Variants in ZNF17 observed in about 807,000 individuals in gnomAD.
ZNF17 encodes zinc finger protein 17.
Under a neutral mutation model 7.7 loss-of-function variants are expected in ZNF17, and 4 were observed. That is an observed-to-expected ratio of 0.52 (90% CI 0.26 to 1.20). The LOEUF is 1.20. ZNF17 is among the 50% of genes most tolerant of loss of function. ZNF17 has a pLI of 0.14. For missense variants in ZNF17, 738 were observed against 799.5 expected (o/e 0.92, Z 0.93); for synonymous variants, 249 against 258.8 (o/e 0.96, Z 0.36).
In ZNF17 at chr19:57,417,996, A is replaced by G. The variant is rs1248566475; in HGVS notation, c.106A>G (p.Ser36Gly). 1 of 1,614,130 alleles carries G rather than the reference A, an allele frequency of 6.2e-7. No individual in the cohort carries two copies. Among genetic ancestry groups the G allele is most frequent in the Non-Finnish European group, 8.5e-7 (1 of 1,180,016 alleles). ...ILNDVQRHLH[S>G]DVMLENFALL... ...TAATGACGTTCAGAGACACCTGCAC[A>G]GCGATGTGATGCTGGAGAACTTTGC... The change falls in exon 3 of 4, where the codon AGC becomes GGC. Residue 36 changes from serine (S) to glycine (G), a missense_variant. Coordinates refer to ENST00000307658, the MANE Select transcript of ZNF17 (RefSeq NM_001330617.2).
chr19:57,414,186 A>T (rs904686170), intron 2 of ZNF17, among the ~76,000 whole-genome samples: 38 of 152,228 alleles, frequency 2.5e-4, no homozygotes, highest in African/African-American at 8.7e-4. Flanking sequence ...GGCACCCGCC[A>T]CCATGCCCGG....
chr19:57,413,457 T>C, intron 1 of ZNF17, 139 bp from the exon 2 acceptor site: 1 of 822,834 alleles, frequency 1.2e-6, no homozygotes, highest in Non-Finnish European at 1.9e-6. Context: ...TCAGTCCTCA[T>C]CAAGACACTG....
At position 57,421,339 on chromosome 19, in the gene ZNF17, G is replaced by C; in HGVS notation, c.1853G>C (p.Gly618Ala). The stretch of plus-strand genomic sequence containing the variant: ...AAGCCTTATGAGTGCAGTGAATGTG[G>C]GAAAGTCTTTAGATACAACTCCAGC... The part of the protein sequence containing the change: ...GEKPYECSEC[G>A]KVFRYNSSLI... Residue 618 changes from glycine (G) to alanine (A), a missense_variant, in exon 4 of 4, where the codon GGG becomes GCG. Physicochemically the swap from Gly to Ala is moderately conservative, Grantham distance 60. Coordinates refer to ENST00000307658, the MANE Select transcript of ZNF17 (RefSeq NM_001330617.2). 1 of 1,614,140 alleles carries C rather than the reference G, an allele frequency of 6.2e-7. No homozygotes were observed. The highest frequency in any genetic ancestry group is 2.2e-5 in the East Asian group (1 of 44,868).
intron 2 of ZNF17, among the ~76,000 whole-genome samples, chr19:57,414,195 G>A (rs377604069): frequency 3.3e-5 from 5 of 151,788 alleles, no homozygotes; most frequent in African/African-American, 7.3e-5. Flanking sequence ...CACCATGCCC[G>A]GCTAATTTTT....
chr19:57,415,341 G>A (rs568178430), intron 2 of ZNF17, among the ~76,000 whole-genome samples: 1 of 152,266 alleles, frequency 6.6e-6, no homozygotes, highest in African/African-American at 2.4e-5. Context: ...TTGTAGTAGG[G>A]GGAGTTTAAT....
chr19:57,414,094 C>T (rs1404431797), intron 2 of ZNF17, among the ~76,000 whole-genome samples: 2 of 152,028 alleles, frequency 1.3e-5, no homozygotes, highest in Non-Finnish European at 2.9e-5. Context: ...AGTGCAGTGG[C>T]GCGATCTCAG....
In ZNF17 at chr19:57,419,962, C is replaced by G; in HGVS notation, c.476C>G (p.Thr159Ser). Residue 159 changes from threonine to serine, a missense_variant, in exon 4 of 4, where the codon ACT becomes AGT. Physicochemically the swap from Thr to Ser is moderately conservative, Grantham distance 58. Coordinates refer to ENST00000307658, the MANE Select transcript of ZNF17 (RefSeq NM_001330617.2). ...LTCMQGGKDF[T>S]GDSDLQQQAL... ...TGCATGCAGGGTGGCAAGGATTTTACTGGTGATTCAGATCTTCAACAACAG... is the reference window on the plus strand; with the variant it reads ...TGCATGCAGGGTGGCAAGGATTTTAGTGGTGATTCAGATCTTCAACAACAG... 1 of 1,614,204 alleles carries G rather than the reference C, an allele frequency of 6.2e-7. No individual in the cohort carries two copies. The highest frequency in any genetic ancestry group is 1.1e-5 in the South Asian group (1 of 91,084).
chr19:57,418,122 G>A (rs1485224798), intron 3 of ZNF17, 84 bp downstream of exon 3: 4 of 1,520,548 alleles, frequency 2.6e-6, no homozygotes, highest in Non-Finnish European at 2.7e-6. Flanking sequence ...CTCACACCAG[G>A]TCATGGATGC....
Position 57,419,919 on chromosome 19 carries a change from G to C in ZNF17, c.433G>C (p.Ala145Pro), listed in dbSNP as rs796307274. The change falls in exon 4 of 4, where the codon GCA becomes CCA. Residue 145 changes from alanine (A) to proline (P), a missense_variant. This residue lies in a region of ZNF17 where 616 missense variants were observed against 663.9 expected (regional missense o/e 0.93). Transcript: ENST00000307658. The stretch of plus-strand genomic sequence containing the variant: ...GTTTGTGAATGACAGTGTTCACCTG[G>C]CAAAGAGGAACCTCACATGCATGCA... ...PSFVNDSVHLAKRNLTCMQGG... is the reference protein window; with the variant it reads ...PSFVNDSVHLPKRNLTCMQGG... 3.1e-6 allele frequency: 5 copies of C among 1,614,186 alleles called. No homozygotes were observed. The African/African-American group carries it at 6.7e-5, about 22-fold the overall frequency.
Position 57,420,290 on chromosome 19 carries a change from A to G in ZNF17, c.804A>G (p.Lys268=), listed in dbSNP as rs2088840271. 1.2e-6 allele frequency: 2 copies of G among 1,614,176 alleles called. No individual in the cohort carries two copies. Among genetic ancestry groups the G allele is most frequent in the Admixed American group, 1.7e-5 (1 of 60,028 alleles). The change falls in exon 4 of 4, where the codon AAA becomes AAG. Residue 268 remains lysine (K), a synonymous_variant. Transcript: ENST00000307658. ...AATACAATGTTGTTCAACACCAGAAAATTCACACTGGAGAAAGGCCTTATG... is the reference window on the plus strand; with the variant it reads ...AATACAATGTTGTTCAACACCAGAAGATTCACACTGGAGAAAGGCCTTATG... ...SLKYNVVQHQ[K]IHTGERPYEC...
chr19:57,418,162 T>C (rs777831911), intron 3 of ZNF17, 124 bp downstream of exon 3: 2 of 1,289,256 alleles, frequency 1.6e-6, no homozygotes, highest in African/African-American at 3.0e-5. Context: ...CTGGCATATG[T>C]GTTGTGGCAG....
rs2088774343 is a variant in ZNF17 at position 57,411,330 on chromosome 19, C to A, written c.-97C>A. On this transcript the variant is annotated 5_prime_UTR_variant, in exon 1 of 4. Transcript: ENST00000307658. The stretch of plus-strand genomic sequence containing the variant: ...TTGCAGGCGTTGGTGCCTCTGTCAG[C>A]GTCCAGGTCACTGCCGCTCCCGCCC... 6.3e-7 allele frequency: 1 copy of A among 1,590,422 alleles called. No individual in the cohort carries two copies. Among genetic ancestry groups the A allele is most frequent in the Admixed American group, 1.8e-5 (1 of 56,522 alleles).
intron 2 of ZNF17, 104 bp downstream of exon 2, chr19:57,413,740 C>T: frequency 1.4e-6 from 2 of 1,417,384 alleles, no homozygotes; most frequent in Non-Finnish European, 9.6e-7. Context: ...CTTCTCTCTC[C>T]CTTGGGTCCA....
At position 57,420,074 on chromosome 19, in the gene ZNF17, A is replaced by G. The variant is rs375032874; in HGVS notation, c.588A>G (p.Gln196=). The change falls in exon 4 of 4, where the codon CAA becomes CAG. Residue 196 remains glutamine (Q), a synonymous_variant. Transcript: ENST00000307658. ...QSGQNNYSCT[Q]CGKDFCHQHT... The stretch of plus-strand genomic sequence containing the variant: ...GACAGAATAATTACAGCTGCACCCA[A>G]TGTGGGAAAGACTTTTGCCACCAAC... 1,169 of 1,614,258 alleles carry G rather than the reference A, an allele frequency of 7.2e-4. No individual in the cohort carries two copies. Among genetic ancestry groups the G allele is most frequent in the Non-Finnish European group, 9.3e-4 (1,094 of 1,180,048 alleles).
Position 57,420,354 on chromosome 19 carries a change from C to T in ZNF17, c.868C>T (p.His290Tyr). The T allele has an allele frequency of 6.2e-7, 1 of 1,613,070 alleles. No homozygotes were observed. Among genetic ancestry groups the T allele is most frequent in the Non-Finnish European group, 8.5e-7 (1 of 1,179,736 alleles). ...TGGGAAAGCTTTTCTTAGAAAGTCT[C>T]ACCTACTTCAGCACCAGAGGATTCA... is the stretch of plus-strand genomic sequence containing the variant. ...ECGKAFLRKS[H>Y]LLQHQRIHTR... The change falls in exon 4 of 4, where the codon CAC (histidine) becomes TAC (tyrosine). Residue 290 changes from histidine to tyrosine, a missense_variant. Around this residue, in one of 3 missense-constraint regions of ZNF17, gnomAD observed 616 missense variants for 663.9 expected, o/e 0.93. Coordinates refer to ENST00000307658, the MANE Select transcript of ZNF17 (RefSeq NM_001330617.2).
rs1347713868 is a variant in ZNF17, at chr19:57,420,724, A to G, written c.1238A>G (p.Glu413Gly). Residue 413 changes from glutamate (E) to glycine (G), a missense_variant, in exon 4 of 4, where the codon GAA becomes GGA. Physicochemically the swap from Glu to Gly is moderately conservative, Grantham distance 98. Coordinates refer to ENST00000307658, the MANE Select transcript of ZNF17 (RefSeq NM_001330617.2). ...AGACATCAGAAAGTTCACACTGGAGAAAAGCCTTATGAGTGTAGTGAATGT... is the reference window on the plus strand; with the variant it reads ...AGACATCAGAAAGTTCACACTGGAGGAAAGCCTTATGAGTGTAGTGAATGT... ...LIRHQKVHTG[E>G]KPYECSECGK... The G allele has an allele frequency of 1.2e-6, 2 of 1,613,948 alleles. No homozygotes were observed. The highest frequency in any genetic ancestry group is 2.7e-5 in the African/African-American group (2 of 74,906).
At position 57,411,500 on chromosome 19, in the gene ZNF17, A is replaced by G. The variant is rs1428300503; in HGVS notation, c.-21+94A>G. The G allele has an allele frequency of 2.0e-6, 3 of 1,532,052 alleles. No individual in the cohort carries two copies. The East Asian group carries it at 7.0e-5, about 36-fold the overall frequency. 94.9% of individuals were successfully genotyped at this position (1,532,052 alleles called of 1,614,324 possible). On this transcript the variant is annotated intron_variant, in intron 1 of 3. Coordinates refer to ENST00000307658, the MANE Select transcript of ZNF17 (RefSeq NM_001330617.2). ...CTGCAGGTCAGGCCCCTGTGTCCCA[A>G]AGAGAGGAGCGTTCTTGTGTGGGGT...
intron 2 of ZNF17, among the ~76,000 whole-genome samples, chr19:57,416,475 A>G (rs2123065681): frequency 6.6e-6 from 1 of 151,872 alleles, no homozygotes; most frequent in South Asian, 2.1e-4. Flanking sequence ...TGAGTGACAA[A>G]AGAAAGGTAG....
chr19:57,421,195 A>T lies in ZNF17; in HGVS notation c.1709A>T (p.His570Leu). 1.2e-6 allele frequency: 2 copies of T among 1,614,058 alleles called. No homozygotes were observed. The highest frequency in any genetic ancestry group is 1.3e-5 in the African/African-American group (1 of 75,010). Reference sequence around the variant, plus strand: ...GGGAGAGTTTTTAGCCAAAATTCCCACCTCATTCGGCACCAAAAAGTTCAC... The same window carrying T: ...GGGAGAGTTTTTAGCCAAAATTCCCTCCTCATTCGGCACCAAAAAGTTCAC... ...ECGRVFSQNSHLIRHQKVHTR... is the reference protein window; with the variant it reads ...ECGRVFSQNSLLIRHQKVHTR... The change falls in exon 4 of 4, where the codon CAC becomes CTC. Residue 570 changes from histidine to leucine, a missense_variant. His to Leu is a moderately conservative substitution (Grantham distance 99). Transcript: ENST00000307658.
Sources: gnomAD v4.1 joint callset for allele counts (sites outside exome capture counted in the v4.1 genomes callset) on GRCh38, gnomAD v4.1.1 for gene constraint, gnomAD v4.1.1 regional missense constraint, MANE v1.5 for transcripts, NCBI Gene and HGNC (gene_info 2026-07-23, HGNC 2026-07-21) for gene names.